Variants in CIC observed in about 807,000 individuals in gnomAD.
The protein encoded by CIC is capicua transcriptional repressor.
Under a neutral mutation model 115.7 loss-of-function variants are expected in CIC, and 18 were observed. The observed-to-expected ratio is 0.16, with a 90% CI of 0.11 to 0.23. The LOEUF (loss-of-function observed/expected upper bound fraction) is 0.23. CIC is among the 10% of genes least tolerant of loss of function. The probability of loss-of-function intolerance (pLI) is 1.00; values close to 1 mark genes in which losing one functional copy is unlikely to be tolerated. For missense variants in CIC, 2,000 were observed against 2,159.3 expected, an observed-to-expected ratio of 0.93 and a Z score of 1.46; for synonymous variants, 1,076 against 923.0, an observed-to-expected ratio of 1.17 and a Z score of -3.01.
chr19:42,289,487 C>T, intron 9 of CIC, 81 bp downstream of exon 9: 2 of 1,415,636 alleles, frequency 1.4e-6, no homozygotes, highest in Non-Finnish European at 1.9e-6. Flanking sequence ...GGATCCAGGC[C>T]CCTAGGCCCC....
chr19:42,295,357 C>T lies in CIC; in HGVS notation c.*166C>T, dbSNP rs2038443978. The T allele has an allele frequency of 3.1e-6, 2 of 640,464 alleles. No individual in the cohort carries two copies. The highest frequency in any genetic ancestry group is 2.7e-6 in the Non-Finnish European group (1 of 375,162). The allele number at this position is 640,464 out of a possible 1,614,324, so 39.7% of individuals were successfully genotyped here. A position where few individuals can be genotyped will look rare whatever the true frequency, so the allele number is the denominator to read the frequency against. On this transcript the variant is annotated 3_prime_UTR_variant, in exon 21 of 21. Coordinates refer to ENST00000681038, the MANE Select transcript of CIC (RefSeq NM_001386298.1). ...AAATACCCCCTTCCCTCGAAGCTCCCTCCCGGTGCTGGGGGGCAGCTGAGG... is the reference window on the plus strand; with the variant it reads ...AAATACCCCCTTCCCTCGAAGCTCCTTCCCGGTGCTGGGGGGCAGCTGAGG...
At position 42,289,087 on chromosome 19, in the gene CIC, G is replaced by A. The variant is rs753225299; in HGVS notation, c.3858G>A (p.Thr1286=). 22 of 1,613,392 alleles carry A rather than the reference G, an allele frequency of 1.4e-5. No homozygotes were observed. The highest frequency in any genetic ancestry group is 2.7e-5 in the African/African-American group (2 of 74,940). The change falls in exon 8 of 21, where the codon ACG becomes ACA. Residue 1286 remains threonine, a synonymous_variant. Coordinates refer to ENST00000681038, the MANE Select transcript of CIC (RefSeq NM_001386298.1). The part of the protein sequence containing the change: ...EVDSQALQEL[T]QMVSGPASYS... ...ACAGTCAGGCGCTACAGGAACTGAC[G>A]CAGGTCTAGGGTGCAGGCCCCCTAG... is the stretch of plus-strand genomic sequence containing the variant.
chr19:42,295,253 G>A lies in CIC; in HGVS notation c.*62G>A. On this transcript the variant is annotated 3_prime_UTR_variant, in exon 21 of 21. Transcript: ENST00000681038. ...CCTCAGGACATGGACAGTATGTGGG[G>A]GCAGGAAGGTTATCTCCTCCCGGGT... The A allele has an allele frequency of 1.4e-6, 2 of 1,440,066 alleles. No individual in the cohort carries two copies. The highest frequency in any genetic ancestry group is 2.0e-5 in the Admixed American group (1 of 48,906). 89.2% of individuals were successfully genotyped at this position (1,440,066 alleles called of 1,614,324 possible).
chr19:42,287,964 C>T lies in CIC; in HGVS notation c.3647C>T (p.Ala1216Val). ...AGCATGTCGGAGACGGGCACTGCTG[C>T]TGCCCCTGGGGGTTAGTCAGCCCCT... is the stretch of plus-strand genomic sequence containing the variant. Reference protein sequence around the residue: ...ERSMSETGTAAAPGVSSELLS... With the variant: ...ERSMSETGTAVAPGVSSELLS... The change falls in exon 7 of 21, where the codon GCT becomes GTT. Residue 1216 changes from alanine (A) to valine (V), a missense_variant. By Grantham distance (64) the Ala-to-Val change is moderately conservative. Coordinates refer to ENST00000681038, the MANE Select transcript of CIC (RefSeq NM_001386298.1). This position sits in a 1 kb window ranked among gnomAD's most constrained non-coding sequence, Gnocchi z 8.7. The T allele has an allele frequency of 1.9e-6, 3 of 1,594,358 alleles. No homozygotes were observed. Among genetic ancestry groups the T allele is most frequent in the Non-Finnish European group, 1.7e-6 (2 of 1,171,182 alleles).
chr19:42,274,448 GCTT>G lies in CIC; in HGVS notation c.2670_2672del (p.Ser891del), dbSNP rs1010400734. The G allele has an allele frequency of 2.3e-5, 9 of 399,062 alleles. No individual in the cohort carries two copies. The highest frequency in any genetic ancestry group is 4.1e-5 in the African/African-American group (2 of 48,780). The allele number at this position is 399,062 out of a possible 1,614,324, so 24.7% of individuals were successfully genotyped here. On this transcript the variant is annotated inframe_deletion, in exon 2 of 21. Transcript: ENST00000681038. ...CCAGCCGATGCCCGCCTTTGGCCTGGCTTCTTCACCCTTTCAGCCTGTGGCCTT... is the reference window on the plus strand; with the variant it reads ...CCAGCCGATGCCCGCCTTTGGCCTGGCTTCACCCTTTCAGCCTGTGGCCTT...
intron 2 of CIC, among the ~76,000 whole-genome samples, chr19:42,281,111 C>G (rs924599922): frequency 7.2e-6 from 1 of 138,794 alleles, no homozygotes; most frequent in Admixed American, 7.2e-5. Flanking sequence ...CCAGGCAACC[C>G]TGGCCGTCGC....
chr19:42,272,427 T>A lies in CIC; in HGVS notation c.644T>A (p.Leu215His), dbSNP rs1292324735. The A allele has an allele frequency of 5.0e-6, 2 of 398,384 alleles. No individual in the cohort carries two copies. The highest frequency in any genetic ancestry group is 4.1e-5 in the African/African-American group (2 of 48,614). 24.7% of individuals were successfully genotyped at this position (398,384 alleles called of 1,614,324 possible). ...GTGCTGGCTCGGCGTGGTGATGGCC[T>A]TTTCCTGCCGGCTGTGGTGCGCCAG... is the stretch of plus-strand genomic sequence containing the variant. ...QRVLARRGDGLFLPAVVRQVR... is the reference protein window; with the variant it reads ...QRVLARRGDGHFLPAVVRQVR... The change falls in exon 2 of 21, where the codon CTT becomes CAT. Residue 215 changes from leucine to histidine, a missense_variant. By Grantham distance (99) the Leu-to-His change is moderately conservative. Coordinates refer to ENST00000681038, the MANE Select transcript of CIC (RefSeq NM_001386298.1).
chr19:42,284,862 G>A (rs1317855544), intron 2 of CIC: 2 of 1,135,230 alleles, frequency 1.8e-6, no homozygotes, highest in East Asian at 2.6e-5. Context: ...GTAGGGGAGA[G>A]AACAGTAGAG....
intron 2 of CIC, chr19:42,284,322 G>GCGCCC (rs955358808): frequency 9.7e-4 from 138 of 141,794 alleles, no homozygotes; most frequent in African/African-American, 2.9e-3. Context: ...CACGCGCGTC[G>GCGCCC]CGCCCCGCCC....
intron 12 of CIC, 150 bp downstream of exon 12, chr19:42,291,895 T>G: frequency 7.7e-7 from 1 of 1,293,382 alleles, no homozygotes; most frequent in Non-Finnish European, 1.1e-6. Context: ...CCTGACTCTC[T>G]CAAGTCCTCA....
rs373280554 is a variant in CIC at position 42,291,521 on chromosome 19, C to T, written c.5426-37C>T. 33 of 1,613,016 alleles carry T rather than the reference C, an allele frequency of 2.0e-5. No homozygotes were observed. In the East Asian group the frequency reaches 3.6e-4, roughly 17 times the overall value. On this transcript the variant is annotated intron_variant, in intron 11 of 20. Coordinates refer to ENST00000681038, the MANE Select transcript of CIC (RefSeq NM_001386298.1). ...AGGGGCCATAGTCCTGTTTGGCTCC[C>T]TTGTAACCTTTTCCTTTCTTGCCTC...
chr19:42,268,686 C>G (rs1210504691), upstream of CIC: 2 of 152,290 alleles, frequency 1.3e-5, no homozygotes, highest in Admixed American at 6.5e-5. Context: ...CGCCGGGTTT[C>G]TTTGGTGCTC....
chr19:42,289,527 T>G, intron 9 of CIC, 121 bp downstream of exon 9: 1 of 1,158,224 alleles, frequency 8.6e-7, no homozygotes, highest in Non-Finnish European at 1.3e-6. Flanking sequence ...GGTTTATGGT[T>G]GCATGTGGCC....
Position 42,293,684 on chromosome 19 carries a change from CCCAGCT to C in CIC, c.6622_6627del (p.Pro2208_Ala2209del). On this transcript the variant is annotated inframe_deletion, in exon 17 of 21. Transcript: ENST00000681038. ...AGCCTCCCACTCCTCCCAGCCCGGC[CCCAGCT>C]CCAGCTGTAGCCCCTGGTGGCAGCA... 2 of 1,612,898 alleles carry C rather than the reference CCCAGCT, an allele frequency of 1.2e-6. No homozygotes were observed. The highest frequency in any genetic ancestry group is 1.7e-6 in the Non-Finnish European group (2 of 1,179,780).
chr19:42,273,163 G>T lies in CIC; in HGVS notation c.1380G>T (p.Leu460=). 2.5e-6 allele frequency: 1 copy of T among 398,718 alleles called. No homozygotes were observed. 24.7% of individuals were successfully genotyped at this position (398,718 alleles called of 1,614,324 possible). ...GGSRSSSVAS[L]EKGTAPAARA... is the part of the protein sequence containing the mutation. ...GCCGCAGCAGCAGCGTGGCCTCCCTGGAAAAGGGGACAGCACCGGCAGCCC... is the reference window on the plus strand; with the variant it reads ...GCCGCAGCAGCAGCGTGGCCTCCCTTGAAAAGGGGACAGCACCGGCAGCCC... The change falls in exon 2 of 21, where the codon CTG becomes CTT. Residue 460 remains leucine, a synonymous_variant. Coordinates refer to ENST00000681038, the MANE Select transcript of CIC (RefSeq NM_001386298.1).
Position 42,293,168 on chromosome 19 carries a change from A to G in CIC, c.6409A>G (p.Thr2137Ala), listed in dbSNP as rs771342386. The change falls in exon 16 of 21, where the codon ACA (threonine) becomes GCA (alanine). Residue 2137 changes from threonine (T) to alanine (A), a missense_variant. This residue lies in a region of CIC where 1,466 missense variants were observed against 1,390.4 expected (regional missense o/e 1.05). Coordinates refer to ENST00000681038, the MANE Select transcript of CIC (RefSeq NM_001386298.1). The stretch of plus-strand genomic sequence containing the variant: ...AGAGTCTGAGCTTGAGGGGCAGCCC[A>G]CACCACCAGCCCCTCCACCCCTGCC... ...APESELEGQP[T>A]PPAPPPLPET... is the part of the protein sequence containing the mutation. 28 of 1,603,270 alleles carry G rather than the reference A, an allele frequency of 1.7e-5. No homozygotes were observed. Among genetic ancestry groups the G allele is most frequent in the South Asian group, 1.3e-4 (12 of 89,866 alleles).
At chr19:42,269,836 G>C (rs1035877129) in intron 1 of CIC, among the ~76,000 whole-genome samples, 2 of 151,916 alleles carry the variant, frequency 1.3e-5, no homozygotes, top group Non-Finnish European at 2.9e-5. Context: ...GAGAGAGAGT[G>C]TCAGAGAAGC....
In CIC at chr19:42,291,295, G is replaced by A. The variant is rs768001119; in HGVS notation, c.5254G>A (p.Ala1752Thr). 3.7e-6 allele frequency: 6 copies of A among 1,612,642 alleles called. No homozygotes were observed. The highest frequency in any genetic ancestry group is 1.3e-5 in the African/African-American group (1 of 74,882). ...GCAGCTTCAGGTGGCACCTGCCCCAGCACCAGCCCCTGGGACCAAGGCAGC... is the reference window on the plus strand; with the variant it reads ...GCAGCTTCAGGTGGCACCTGCCCCAACACCAGCCCCTGGGACCAAGGCAGC... Reference protein sequence around the residue: ...PQQLQVAPAPAPAPGTKAAAP... With the variant: ...PQQLQVAPAPTPAPGTKAAAP... The change falls in exon 11 of 21, where the codon GCA (alanine) becomes ACA (threonine). Residue 1752 changes from alanine to threonine, a missense_variant. Transcript: ENST00000681038.
At position 42,289,193 on chromosome 19, in the gene CIC, C is replaced by T. The variant is rs2037889071; in HGVS notation, c.3874C>T (p.Pro1292Ser). 1 of 1,613,146 alleles carries T rather than the reference C, an allele frequency of 6.2e-7. No homozygotes were observed. The highest frequency in any genetic ancestry group is 8.5e-7 in the Non-Finnish European group (1 of 1,180,040). ...LQELTQMVSG[P>S]ASYSGPKPST... is the part of the protein sequence containing the mutation. ...ACCTATCCTGCAGATGGTGTCTGGC[C>T]CTGCATCGTACTCTGGCCCAAAGCC... The change falls in exon 9 of 21, where the codon CCT becomes TCT. Residue 1292 changes from proline to serine, a missense_variant. Coordinates refer to ENST00000681038, the MANE Select transcript of CIC (RefSeq NM_001386298.1).
Sources: gnomAD v4.1 joint callset for allele counts (sites outside exome capture counted in the v4.1 genomes callset) on GRCh38, gnomAD v4.1.1 for gene constraint, gnomAD v4.1.1 regional missense constraint, Gnocchi (gnomAD v3.1) non-coding constraint, MANE v1.5 for transcripts, NCBI Gene and HGNC (gene_info 2026-07-23, HGNC 2026-07-21) for gene names.